The following ABCA13 variants were observed in gnomAD, a reference collection of about 807,000 sequenced individuals.
ABCA13 encodes the protein ATP binding cassette subfamily A member 13.
A neutral mutation model predicts 478.7 loss-of-function variants in ABCA13; 476 were observed. The ratio of observed to expected loss-of-function variants is 0.99; its 90% CI spans 0.92 to 1.07. ABCA13 has a LOEUF of 1.07. Ranked by LOEUF, ABCA13 falls within the 50% of genes least tolerant of loss-of-function variation. ABCA13 has a pLI of 0.00. For synonymous variants in ABCA13, 2,252 were observed against 2,158.9 expected, an observed-to-expected ratio of 1.04 and a Z score of -1.20; for missense variants, 6,060 against 5,910.6, an observed-to-expected ratio of 1.03 and a Z score of -0.83.
At chr7:48,520,911 A>C (rs1427660744) in intron 53 of ABCA13, among the ~76,000 whole-genome samples, 1 of 152,222 alleles carries the variant, frequency 6.6e-6, no homozygotes, top group Non-Finnish European at 1.5e-5. Context: ...GGGAGCAGGA[A>C]GATAGGAAAA....
chr7:48,316,879 T>C (rs896564173), intron 26 of ABCA13, among the ~76,000 whole-genome samples: 2 of 152,218 alleles, frequency 1.3e-5, no homozygotes, highest in Non-Finnish European at 2.9e-5. Flanking sequence ...ACTACACTCA[T>C]TACTGTGACA....
chr7:48,251,444 C>T (rs1422896766), intron 15 of ABCA13, among the ~76,000 whole-genome samples: 1 of 152,108 alleles, frequency 6.6e-6, no homozygotes, highest in Non-Finnish European at 1.5e-5. Flanking sequence ...AATTGAGGCT[C>T]AGAAAGATTT....
Position 48,272,399 on chromosome 7 carries a change from A to C in ABCA13, c.2733A>C (p.Glu911Asp), listed in dbSNP as rs555131284. 6.2e-7 allele frequency: 1 copy of C among 1,613,816 alleles called. No individual in the cohort carries two copies. Among genetic ancestry groups the C allele is most frequent in the East Asian group, 2.2e-5 (1 of 44,862 alleles). Residue 911 changes from glutamate (E) to aspartate (D), a missense_variant, in exon 17 of 62, where the codon GAA (glutamate) becomes GAC (aspartate). Physicochemically the swap from Glu to Asp is conservative, Grantham distance 45 (BLOSUM62 2). Around this residue, in one of 3 missense-constraint regions of ABCA13, gnomAD observed 4,423 missense variants for 4,309.1 expected, o/e 1.03. Transcript: ENST00000435803. ...ATGAATTTGGATTTTTGGAGCAGGA[A>C]CAGATCTCAGAAGCTCTGAACACAG... Reference protein sequence around the residue: ...SLHEFGFLEQEQISEALNTVY... With the variant: ...SLHEFGFLEQDQISEALNTVY...
intron 19 of ABCA13, among the ~76,000 whole-genome samples, chr7:48,286,856 A>G (rs1470809702): frequency 2.6e-5 from 4 of 151,926 alleles, no homozygotes; most frequent in Non-Finnish European, 5.9e-5. Context: ...ATAATTTAAG[A>G]GTCAGGATAA....
chr7:48,620,117 A>T (rs1020769878), intron 59 of ABCA13, among the ~76,000 whole-genome samples: 1 of 152,154 alleles, frequency 6.6e-6, no homozygotes, highest in Admixed American at 6.5e-5. Flanking sequence ...TTGTCTCCAC[A>T]TGGAGCTCTG....
intron 55 of ABCA13, among the ~76,000 whole-genome samples, chr7:48,573,141 T>C (rs542584851): frequency 6.6e-6 from 1 of 152,218 alleles, no homozygotes; most frequent in African/African-American, 2.4e-5. Flanking sequence ...ACTCTGTTAC[T>C]GTCTTAATTT....
chr7:48,430,516 A>C (rs1821996481), intron 42 of ABCA13, among the ~76,000 whole-genome samples: 1 of 152,078 alleles, frequency 6.6e-6, no homozygotes, highest in South Asian at 2.1e-4. Context: ...TCCACTAAAA[A>C]TACAAAAAAT....
Position 48,467,096 on chromosome 7 carries a change from T to G in ABCA13, c.12905+51T>G, listed in dbSNP as rs1039093854. The G allele has an allele frequency of 1.6e-5, 24 of 1,524,792 alleles. No homozygotes were observed. In the African/African-American group the frequency reaches 3.2e-4, roughly 20 times the overall value. The allele number at this position is 1,524,792 out of a possible 1,614,324, so 94.5% of individuals were successfully genotyped here. Reference sequence around the variant, plus strand: ...AGTGAACACTCCCAACTGGTAATATTGTAGCCTGGGAGGACTGTTTTTCTT... The same window carrying G: ...AGTGAACACTCCCAACTGGTAATATGGTAGCCTGGGAGGACTGTTTTTCTT... On this transcript the variant is annotated intron_variant, in intron 44 of 61. Transcript: ENST00000435803.
chr7:48,439,889 C>T (rs1197120194), intron 42 of ABCA13, among the ~76,000 whole-genome samples: 2 of 152,090 alleles, frequency 1.3e-5, no homozygotes, highest in Non-Finnish European at 2.9e-5. Context: ...TATTCAGGGT[C>T]TCACTCACAC....
intron 19 of ABCA13, among the ~76,000 whole-genome samples, chr7:48,286,220 TG>T (rs1190648799): frequency 6.6e-6 from 1 of 152,134 alleles, no homozygotes; most frequent in Non-Finnish European, 1.5e-5. Context: ...GCTTCACTCT[TG>T]GTGTTGTCAT....
chr7:48,469,430 A>G (rs897958278), intron 44 of ABCA13, among the ~76,000 whole-genome samples: 1 of 152,160 alleles, frequency 6.6e-6, no homozygotes, highest in African/African-American at 2.4e-5. Flanking sequence ...CTGAATCCAA[A>G]TCTCAGCTCC....
rs570743018 is a variant in ABCA13 at position 48,627,780 on chromosome 7, G to A, written c.14837+12403G>A. ...GCTGCCTCTGGTCGGCTTCTGGTGA[G>A]GGCCTAGTGCTGCTGGATAGCCTGG... is the stretch of plus-strand genomic sequence containing the variant. On this transcript the variant is annotated intron_variant, in intron 59 of 61. Transcript: ENST00000435803. Among the ~76,000 whole-genome samples the A allele has an allele frequency of 9.2e-5, 14 of 152,244 alleles. No homozygotes were observed. The South Asian group carries it at 1.0e-3, about 11-fold the overall frequency.
intron 59 of ABCA13, among the ~76,000 whole-genome samples, chr7:48,631,758 G>T (rs533655340): frequency 6.6e-6 from 1 of 152,100 alleles, no homozygotes; most frequent in South Asian, 2.1e-4. Context: ...ATTGCTTTTA[G>T]AAATGTGGTC....
intron 55 of ABCA13, among the ~76,000 whole-genome samples, chr7:48,570,592 G>A (rs553206407): frequency 2.2e-4 from 33 of 151,832 alleles, no homozygotes; most frequent in Admixed American, 2.0e-3. Context: ...CAAAGTGCTG[G>A]TATTACAGGT....
At position 48,338,348 on chromosome 7, in the gene ABCA13, A is replaced by G. The variant is rs140689948; in HGVS notation, c.10114-17A>G. The G allele has an allele frequency of 1.2e-5, 18 of 1,521,398 alleles. No individual in the cohort carries two copies. The highest frequency in any genetic ancestry group is 1.5e-5 in the Non-Finnish European group (17 of 1,117,468). The allele number at this position is 1,521,398 out of a possible 1,614,324, so 94.2% of individuals were successfully genotyped here. A position where few individuals can be genotyped will look rare whatever the true frequency, so the allele number is the denominator to read the frequency against. On this transcript the variant is annotated splice_polypyrimidine_tract_variant and intron_variant, in intron 28 of 61. Transcript: ENST00000435803. ...ATAATGCAATTATTTTTATTAAGCT[A>G]TATTATTTTTCTTTAGGAGGCCCTG...
At chr7:48,362,391 T>A (rs1353015245) in intron 31 of ABCA13, among the ~76,000 whole-genome samples, 1 of 150,876 alleles carries the variant, frequency 6.6e-6, no homozygotes, top group Non-Finnish European at 1.5e-5. Context: ...TTCCCTTCTC[T>A]TCACTCTTCC....
At chr7:48,415,404 A>G (rs997090569) in intron 41 of ABCA13, among the ~76,000 whole-genome samples, 1 of 152,198 alleles carries the variant, frequency 6.6e-6, no homozygotes, top group African/African-American at 2.4e-5. Flanking sequence ...CACCGGGTTA[A>G]TCCGGTTGTT....
In ABCA13 at chr7:48,341,858, TATATATATATATATCTTTCTG is replaced by T. The variant is rs71006563; in HGVS notation, c.10204+3418_10204+3438del. Among the ~76,000 whole-genome samples, 62 of 86,702 alleles carry T rather than the reference TATATATATATATATCTTTCTG, an allele frequency of 7.2e-4. 3 individuals are homozygous for T. Among genetic ancestry groups the T allele is most frequent in the Admixed American group, 3.0e-3 (24 of 8,066 alleles). The allele number at this position is 86,702 out of a possible 152,430, so 56.9% of individuals were successfully genotyped here. On this transcript the variant is annotated intron_variant, in intron 29 of 61. Transcript: ENST00000435803. The stretch of plus-strand genomic sequence containing the variant: ...GATATATATATATATATCTTTCTGA[TATATATATATATATCTTTCTG>T]ATATATATATATATATCTTTCTGAT...
chr7:48,619,671 C>T (rs1050129540), intron 59 of ABCA13, among the ~76,000 whole-genome samples: 5 of 151,984 alleles, frequency 3.3e-5, no homozygotes, highest in South Asian at 2.1e-4. Flanking sequence ...TAGAGTGTTC[C>T]GTGAAAGTGT....
Sources: allele counts gnomAD v4.1 joint callset (sites outside exome capture counted in the v4.1 genomes callset), GRCh38; gene constraint gnomAD v4.1.1; regional missense constraint gnomAD v4.1.1; transcripts MANE v1.5; gene names NCBI Gene and HGNC (gene_info 2026-07-23, HGNC 2026-07-21).